The following RBFOX3 variants were observed in gnomAD, a reference collection of about 807,000 sequenced individuals.
RBFOX3 encodes RNA binding fox-1 homolog 3, also known as RNA binding protein fox-1 homolog 3.
Under a neutral mutation model 48.7 loss-of-function variants are expected in RBFOX3, and 17 were observed. That is an observed-to-expected ratio of 0.35 (90% CI 0.24 to 0.52). The LOEUF (loss-of-function observed/expected upper bound fraction) is 0.52. RBFOX3 is among the 20% of genes least tolerant of loss of function. The pLI, the probability that RBFOX3 is intolerant of heterozygous loss-of-function variation, is 0.94. For missense variants in RBFOX3, 382 were observed against 497.5 expected (o/e 0.77, Z 2.21); for synonymous variants, 212 against 209.5 (o/e 1.01, Z -0.10).
chr17:79,319,107 G>A (rs962974029), intron 2 of RBFOX3, among the ~76,000 whole-genome samples: 7 of 152,118 alleles, frequency 4.6e-5, no homozygotes, highest in African/African-American at 1.7e-4. Flanking sequence ...CACCGGATGT[G>A]GCTTTCCCGG....
At chr17:79,144,950 G>A (rs955333789) in intron 4 of RBFOX3, among the ~76,000 whole-genome samples, 9 of 152,198 alleles carry the variant, frequency 5.9e-5, no homozygotes, top group Admixed American at 4.6e-4. Flanking sequence ...GGAGACGAGC[G>A]CACCTGTGCT....
intron 3 of RBFOX3, among the ~76,000 whole-genome samples, chr17:79,288,898 G>A (rs1266142463): frequency 1.3e-5 from 2 of 152,192 alleles, no homozygotes; most frequent in Non-Finnish European, 2.9e-5. Flanking sequence ...AAAAGCACAA[G>A]TTCTGAAAGG....
chr17:79,463,943 C>T (rs917374299), intron 2 of RBFOX3, among the ~76,000 whole-genome samples: 3 of 151,068 alleles, frequency 2.0e-5, no homozygotes, highest in African/African-American at 7.3e-5. Context: ...TCCCCACCAT[C>T]GCCACTGCCA....
Position 79,229,580 on chromosome 17 carries a change from AAAGAC to A in RBFOX3, c.-34+6181_-34+6185del, listed in dbSNP as rs1470276060. 4.9e-3 allele frequency among the ~76,000 whole-genome samples: 727 copies of A among 149,828 alleles called. 5 individuals are homozygous for A. The highest frequency in any genetic ancestry group is 0.017 in the African/African-American group (692 of 40,040). On this transcript the variant is annotated intron_variant, in intron 4 of 14. Transcript: ENST00000693108. ...TCTCAAAAAAAAAAAAAAAAAAAAAAAAGACAGGAGAGCTCAAGTGGGCCAGGAAG... is the reference window on the plus strand; with the variant it reads ...TCTCAAAAAAAAAAAAAAAAAAAAAAAGGAGAGCTCAAGTGGGCCAGGAAG...
At chr17:79,171,370 C>T (rs2049248241) in intron 4 of RBFOX3, among the ~76,000 whole-genome samples, 2 of 152,184 alleles carry the variant, frequency 1.3e-5, no homozygotes. Flanking sequence ...GACTGGCCAA[C>T]GTTTTCTACG....
intron 3 of RBFOX3, among the ~76,000 whole-genome samples, chr17:79,277,385 C>T (rs746642918): frequency 6.6e-6 from 1 of 151,882 alleles, no homozygotes; most frequent in African/African-American, 2.4e-5. Flanking sequence ...ATATTTAATA[C>T]AATCAGGTTA....
intron 2 of RBFOX3, among the ~76,000 whole-genome samples, chr17:79,339,419 C>T (rs1005595390): frequency 6.6e-5 from 10 of 152,168 alleles, no homozygotes; most frequent in African/African-American, 1.9e-4. Context: ...TACCCATCGC[C>T]TACCTCAAGA....
Position 79,508,423 on chromosome 17 carries a change from G to A in RBFOX3, c.-319-25825C>T, listed in dbSNP as rs979383918. ...CCGCCTGCCTGCCCGAGGCTGGGCC[G>A]CCGCCCACCGCCTCCCTGACCGCCC... On this transcript the variant is annotated intron_variant, in intron 1 of 14. Coordinates refer to ENST00000693108, the MANE Select transcript of RBFOX3 (RefSeq NM_001350451.2). Among the ~76,000 whole-genome samples the A allele has an allele frequency of 6.7e-3, 1,013 of 152,296 alleles. 4 individuals carry two copies. Among genetic ancestry groups the A allele is most frequent in the Non-Finnish European group, 0.01 (710 of 68,012 alleles).
rs2071648377 is a variant in RBFOX3, at chr17:79,443,728, C to A, written c.-175+38726G>T. ...ACACACTCGTTCTCACATGCTCACA[C>A]TACTTGGGATCGCAGCCTCTTCTCC... On this transcript the variant is annotated intron_variant, in intron 2 of 14. Coordinates refer to ENST00000693108, the MANE Select transcript of RBFOX3 (RefSeq NM_001350451.2). This position sits in a 1 kb window ranked among gnomAD's most constrained non-coding sequence, Gnocchi z 4.4. 6.6e-6 allele frequency among the ~76,000 whole-genome samples: 1 copy of A among 152,222 alleles called. No homozygotes were observed. The highest frequency in any genetic ancestry group is 1.5e-5 in the Non-Finnish European group (1 of 68,038).
intron 4 of RBFOX3, among the ~76,000 whole-genome samples, chr17:79,165,980 C>T (rs552486327): frequency 2.0e-5 from 3 of 152,206 alleles, no homozygotes; most frequent in Admixed American, 6.5e-5. Flanking sequence ...GTGCACTGGC[C>T]GGGGAGGGAT....
At chr17:79,459,019 C>A (rs1010058755) in intron 2 of RBFOX3, among the ~76,000 whole-genome samples, 1 of 152,172 alleles carries the variant, frequency 6.6e-6, no homozygotes, top group Non-Finnish European at 1.5e-5. Flanking sequence ...GTGCCCACTT[C>A]GTCCTTCTCA....
rs569417685 is a variant in RBFOX3, at chr17:79,289,159, C to A, written c.-74+18565G>T. On this transcript the variant is annotated intron_variant, in intron 3 of 14. Transcript: ENST00000693108. ...ACGCCCCTATGCAGAGCCAGGGACACCAGGCCTCTCCAATACGTTCCGCAC... is the reference window on the plus strand; with the variant it reads ...ACGCCCCTATGCAGAGCCAGGGACAACAGGCCTCTCCAATACGTTCCGCAC... 2.0e-5 allele frequency among the ~76,000 whole-genome samples: 3 copies of A among 152,334 alleles called. No individual in the cohort carries two copies. The South Asian group carries it at 6.2e-4, about 32-fold the overall frequency.
At chr17:79,598,362 A>C (rs938078840) in intron 1 of RBFOX3, 2 of 150,106 alleles carry the variant, frequency 1.3e-5, no homozygotes, top group African/African-American at 4.9e-5. Context: ...ACATGCACAC[A>C]TGTGCACACA....
At chr17:79,147,004 T>G (rs1014705727) in intron 4 of RBFOX3, among the ~76,000 whole-genome samples, 10 of 152,050 alleles carry the variant, frequency 6.6e-5, no homozygotes, top group Non-Finnish European at 1.5e-4. Flanking sequence ...ATCCTTTACT[T>G]TGGATCTTAC....
chr17:79,165,617 C>G (rs958239417), intron 4 of RBFOX3, among the ~76,000 whole-genome samples: 2 of 152,194 alleles, frequency 1.3e-5, no homozygotes, highest in African/African-American at 4.8e-5. Flanking sequence ...GGCTCCGGAG[C>G]CCCCTGGAGA....
In RBFOX3 at chr17:79,220,551, T is replaced by C. The variant is rs1030123284; in HGVS notation, c.-34+15215A>G. On this transcript the variant is annotated intron_variant, in intron 4 of 14. Coordinates refer to ENST00000693108, the MANE Select transcript of RBFOX3 (RefSeq NM_001350451.2). This position sits in a 1 kb window ranked among gnomAD's most constrained non-coding sequence, Gnocchi z 5.9. ...CCTGGATCTCTGTTCAGAGTTGAAC[T>C]ACAGCGTCCTGATTCCAGCGCTCAT... Among the ~76,000 whole-genome samples the C allele has an allele frequency of 3.9e-5, 6 of 152,046 alleles. No homozygotes were observed. Among genetic ancestry groups the C allele is most frequent in the African/African-American group, 1.4e-4 (6 of 41,382 alleles).
At chr17:79,545,211 A>T (rs527799903) in intron 1 of RBFOX3, among the ~76,000 whole-genome samples, 3 of 152,322 alleles carry the variant, frequency 2.0e-5, no homozygotes, top group Admixed American at 1.3e-4. Flanking sequence ...CGCTAAGAGA[A>T]GGTATCAGAA....
chr17:79,623,645 C>G, the RBFOX3 span, among the ~76,000 whole-genome samples: 23 of 151,864 alleles, frequency 1.5e-4, no homozygotes, highest in African/African-American at 5.3e-4. Context: ...GAAACGCTGT[C>G]TCTACTAAAA....
Position 79,369,991 on chromosome 17 carries a change from C to T in RBFOX3, c.-174-62167G>A, listed in dbSNP as rs141717595. Among the ~76,000 whole-genome samples, 459 of 152,300 alleles carry T rather than the reference C, an allele frequency of 3.0e-3. 3 individuals are homozygous for T. Among genetic ancestry groups the T allele is most frequent in the African/African-American group, 0.011 (439 of 41,562 alleles). The stretch of plus-strand genomic sequence containing the variant: ...CCTCTAAGCCCCACCAGACGCCCTT[C>T]GTTAGATGGAGTTTGGGATCCCACC... On this transcript the variant is annotated intron_variant, in intron 2 of 14. Transcript: ENST00000693108.
Sources: allele counts gnomAD v4.1 joint callset (sites outside exome capture counted in the v4.1 genomes callset), GRCh38; gene constraint gnomAD v4.1.1; non-coding constraint Gnocchi (gnomAD v3.1); transcripts MANE v1.5; gene names NCBI Gene and HGNC (gene_info 2026-07-23, HGNC 2026-07-21).